The following FAM174A variants were observed in gnomAD, a reference collection of about 807,000 sequenced individuals.
FAM174A encodes membrane protein FAM174A.
A neutral mutation model predicts 14.3 loss-of-function variants in FAM174A; 14 were observed. The observed-to-expected ratio is 0.98, with a 90% CI of 0.65 to 1.53. The LOEUF is 1.53. Among genes scored for constraint, FAM174A ranks in the 40% most tolerant of loss-of-function variants. FAM174A has a pLI of 0.00. For missense variants in FAM174A, 241 were observed against 249.6 expected, an observed-to-expected ratio of 0.97 and a Z score of 0.23; for synonymous variants, 108 against 111.4, an observed-to-expected ratio of 0.97 and a Z score of 0.19.
rs1329380189 is a variant in FAM174A at position 100,543,734 on chromosome 5, G to GC, written c.434+7772dup. On this transcript the variant is annotated intron_variant, in intron 1 of 2. Coordinates refer to ENST00000312637, the MANE Select transcript of FAM174A (RefSeq NM_198507.3). ...CCTCCCCGAGTGGCTGGGACTACCG[G>GC]CCATCATTTTTTATTTTATCTTGTC... Among the ~76,000 whole-genome samples the GC allele has an allele frequency of 3.9e-5, 6 of 152,126 alleles. No individual in the cohort carries two copies. The East Asian group carries it at 1.2e-3, about 29-fold the overall frequency.
intron 1 of FAM174A, among the ~76,000 whole-genome samples, chr5:100,550,904 G>T (rs1374918680): frequency 1.3e-5 from 2 of 152,122 alleles, no homozygotes; most frequent in Non-Finnish European, 2.9e-5. Context: ...TCAGAACCTG[G>T]AGTGGAATGT....
chr5:100,574,351 C>T (rs189646703), intron 2 of FAM174A, among the ~76,000 whole-genome samples: 1 of 151,864 alleles, frequency 6.6e-6, no homozygotes, highest in Admixed American at 6.6e-5. Flanking sequence ...CCAAGCCTGG[C>T]TGATTTTTGT....
intron 2 of FAM174A, among the ~76,000 whole-genome samples, chr5:100,573,259 A>C (rs926155081): frequency 1.3e-5 from 2 of 151,722 alleles, no homozygotes; most frequent in African/African-American, 4.8e-5. Context: ...TAGTTTAATT[A>C]GATCCCATTT....
chr5:100,574,899 A>G (rs150773230), intron 2 of FAM174A, among the ~76,000 whole-genome samples: 1 of 152,324 alleles, frequency 6.6e-6, no homozygotes, highest in Admixed American at 6.5e-5. Context: ...TTACTGCAGG[A>G]CGTATTAGAG....
intron 1 of FAM174A, among the ~76,000 whole-genome samples, chr5:100,551,730 G>A (rs1746267259): frequency 6.6e-6 from 1 of 152,146 alleles, no homozygotes; most frequent in African/African-American, 2.4e-5. Context: ...GATACTGGCA[G>A]GGCTGGTTCC....
At chr5:100,547,834 A>T (rs190818819) in intron 1 of FAM174A, among the ~76,000 whole-genome samples, 1,540 of 147,552 alleles carry the variant, frequency 0.01, 28 homozygotes, top group African/African-American at 0.037. Flanking sequence ...ACAAGGAAAT[A>T]TTTTTTTTTT....
At chr5:100,562,467 G>A (rs1283407705) in intron 2 of FAM174A, among the ~76,000 whole-genome samples, 1 of 151,576 alleles carries the variant, frequency 6.6e-6, no homozygotes, top group Non-Finnish European at 1.5e-5. Context: ...GTGCAGGGTC[G>A]TTACATAGGT....
chr5:100,538,943 G>A (rs1314387532), intron 1 of FAM174A, among the ~76,000 whole-genome samples: 10 of 152,180 alleles, frequency 6.6e-5, no homozygotes, highest in African/African-American at 1.4e-4. Flanking sequence ...AGCAATTTTT[G>A]TCATAGCTGA....
chr5:100,569,649 A>G (rs1338670066), intron 2 of FAM174A, among the ~76,000 whole-genome samples: 3 of 151,932 alleles, frequency 2.0e-5, no homozygotes, highest in Admixed American at 6.6e-5. Flanking sequence ...GAAGGTGCCT[A>G]TAAGATGATA....
At chr5:100,540,865 A>G (rs1045363406) in intron 1 of FAM174A, among the ~76,000 whole-genome samples, 2 of 152,182 alleles carry the variant, frequency 1.3e-5, no homozygotes, top group Non-Finnish European at 2.9e-5. Flanking sequence ...ATGCTTGCTC[A>G]TGTAATGCCA....
Position 100,535,599 on chromosome 5 carries a change from G to A in FAM174A, c.69G>A (p.Leu23=). ...CTTCCGTCCTCCTCCTGCTGTTGCTGCCTGAACTAAGCGGGCCCCTGGCAG... is the reference window on the plus strand; with the variant it reads ...CTTCCGTCCTCCTCCTGCTGTTGCTACCTGAACTAAGCGGGCCCCTGGCAG... ...LLASVLLLLL[L]PELSGPLAVL... Residue 23 remains leucine, a synonymous_variant, in exon 1 of 3, where the codon CTG becomes CTA. Coordinates refer to ENST00000312637, the MANE Select transcript of FAM174A (RefSeq NM_198507.3). 6.2e-7 allele frequency: 1 copy of A among 1,613,330 alleles called. No homozygotes were observed. The highest frequency in any genetic ancestry group is 8.5e-7 in the Non-Finnish European group (1 of 1,179,964).
At chr5:100,555,519 G>A (rs1050012713) in intron 1 of FAM174A, among the ~76,000 whole-genome samples, 1 of 151,994 alleles carries the variant, frequency 6.6e-6, no homozygotes, top group Non-Finnish European at 1.5e-5. Context: ...CTTCCACAAC[G>A]GTTGAACTAG....
chr5:100,568,357 A>T (rs1393513936), intron 2 of FAM174A, among the ~76,000 whole-genome samples: 1 of 151,824 alleles, frequency 6.6e-6, no homozygotes, highest in East Asian at 1.9e-4. Context: ...GCATTTCTCC[A>T]TAGAGCCCTG....
intron 2 of FAM174A, among the ~76,000 whole-genome samples, chr5:100,570,289 T>C (rs570018962): frequency 1.8e-4 from 27 of 152,060 alleles, no homozygotes; most frequent in African/African-American, 6.5e-4. Flanking sequence ...CAAATACCAT[T>C]ACTTTATTTG....
intron 1 of FAM174A, among the ~76,000 whole-genome samples, chr5:100,560,303 CA>C (rs1422998267): frequency 1.3e-5 from 2 of 152,092 alleles, no homozygotes; most frequent in African/African-American, 4.8e-5. Flanking sequence ...CACATACACA[CA>C]CATATACATG....
intron 1 of FAM174A, among the ~76,000 whole-genome samples, chr5:100,559,297 C>T (rs1330733444): frequency 6.6e-6 from 1 of 152,186 alleles, no homozygotes; most frequent in East Asian, 1.9e-4. Flanking sequence ...GAGTTTCTGC[C>T]AAGAGATCAG....
At chr5:100,570,556 A>C (rs925071637) in intron 2 of FAM174A, among the ~76,000 whole-genome samples, 2 of 151,932 alleles carry the variant, frequency 1.3e-5, no homozygotes, top group Non-Finnish European at 2.9e-5. Context: ...CTCTTTAGTC[A>C]TTGAAATAGG....
intron 1 of FAM174A, among the ~76,000 whole-genome samples, chr5:100,557,279 A>G (rs1324787713): frequency 6.6e-6 from 1 of 152,128 alleles, no homozygotes. Flanking sequence ...CATCGCAGGG[A>G]TGAAGCCCAC....
intron 2 of FAM174A, among the ~76,000 whole-genome samples, chr5:100,569,750 G>A (rs1746736213): frequency 6.6e-6 from 1 of 151,776 alleles, no homozygotes; most frequent in Non-Finnish European, 1.5e-5. Flanking sequence ...ACTAAGCTCT[G>A]GGGATGTATA....
Sources: gnomAD v4.1 joint callset for allele counts (sites outside exome capture counted in the v4.1 genomes callset) on GRCh38, gnomAD v4.1.1 for gene constraint, MANE v1.5 for transcripts, NCBI Gene and HGNC (gene_info 2026-07-23, HGNC 2026-07-21) for gene names.